NBPF12: variants seen among roughly 807,000 people sequenced by gnomAD.
NBPF12 encodes the protein NBPF family member NBPF12.
A neutral mutation model predicts 146.4 loss-of-function variants in NBPF12; 115 were observed. That is an observed-to-expected ratio of 0.79 (90% CI 0.68 to 0.92). The LOEUF (loss-of-function observed/expected upper bound fraction) is 0.92. Among genes scored for constraint, NBPF12 ranks in the 40% least tolerant of loss-of-function variants. The probability of loss-of-function intolerance (pLI) is 0.00; values close to 1 mark genes in which losing one functional copy is unlikely to be tolerated. For missense variants in NBPF12, 1,205 were observed against 1,326.8 expected, an observed-to-expected ratio of 0.91 and a Z score of 1.43; for synonymous variants, 385 against 508.9, an observed-to-expected ratio of 0.76 and a Z score of 3.28.
At chr1:146,959,806 C>T in intron 2 of NBPF12, 53 bp from the exon 6 acceptor site, 1 of 98,020 alleles carries the variant, frequency 1.0e-5, no homozygotes, top group South Asian at 7.3e-5. Flanking sequence ...GAATGCAGGG[C>T]TCCTAAGATT....
Position 146,971,318 on chromosome 1 carries a change from C to A in NBPF12, c.1515C>A (p.Asp505Glu), listed in dbSNP as rs1553886411. The A allele has an allele frequency of 3.7e-6, 6 of 1,612,152 alleles. No homozygotes were observed. The African/African-American group carries it at 6.8e-5, about 18-fold the overall frequency. Reference sequence around the variant, plus strand: ...ACATCAAAATCACATTTGAGGAAGACAAAGTCAACTCATCTCTGGTTGTAG... The same window carrying A: ...ACATCAAAATCACATTTGAGGAAGAAAAAGTCAACTCATCTCTGGTTGTAG... Residue 505 changes from aspartate to glutamate, a missense_variant, in exon 13 of 34, where the codon GAC becomes GAA. This residue lies in a region of NBPF12 where 278 missense variants were observed against 203.1 expected (regional missense o/e 1.37). Transcript: ENST00000617844.
Position 146,970,762 on chromosome 1 carries a change from T to G in NBPF12, c.1379+43T>G, listed in dbSNP as rs1553886284. ...GGAGCAAGTAATGGGTGTTAACATA[T>G]GAAAATGTCTAGGAGGCATGCCCTC... is the stretch of plus-strand genomic sequence containing the variant. On this transcript the variant is annotated intron_variant, in intron 12 of 33. Coordinates refer to ENST00000617844, the Ensembl canonical transcript of NBPF12. 2.6e-4 allele frequency: 338 copies of G among 1,283,624 alleles called. 1 individual carries two copies. The highest frequency in any genetic ancestry group is 2.1e-3 in the Middle Eastern group (8 of 3,816). The allele number at this position is 1,283,624 out of a possible 1,614,324, so 79.5% of individuals were successfully genotyped here.
chr1:146,989,418 T>C (rs1300743096), intron 27 of NBPF12, among the ~76,000 whole-genome samples, 156 bp from the exon 31 acceptor site: 1 of 151,626 alleles, frequency 6.6e-6, no homozygotes, highest in Non-Finnish European at 1.5e-5. Context: ...CCTGGCCCTG[T>C]TCTATCCCAA....
chr1:146,964,864 T>G (rs1656090333), intron 7 of NBPF12, 29 bp from the exon 11 acceptor site: 1 of 1,541,018 alleles, frequency 6.5e-7, no homozygotes, highest in South Asian at 1.1e-5. Flanking sequence ...TTTAATCTTC[T>G]GTCATCTCTG....
intron 1 of NBPF12, among the ~76,000 whole-genome samples, chr1:146,941,988 G>A (rs1342693226): frequency 1.4e-5 from 2 of 148,140 alleles, no homozygotes; most frequent in African/African-American, 2.5e-5. Flanking sequence ...CTCCTGAGTA[G>A]CTGCGACTAT....
chr1:146,984,447 C>A (rs1342206099), intron 21 of NBPF12, among the ~76,000 whole-genome samples: 2 of 149,474 alleles, frequency 1.3e-5, no homozygotes, highest in Non-Finnish European at 3.0e-5. Flanking sequence ...AACTTGAGCA[C>A]ATTTTATGCA....
chr1:146,964,052 CTG>C (rs1220057296), intron 6 of NBPF12, among the ~76,000 whole-genome samples: 9 of 131,158 alleles, frequency 6.9e-5, no homozygotes, highest in East Asian at 2.3e-4. Context: ...GGAATCAGAT[CTG>C]TGGCAGGATG....
At chr1:146,946,424 A>G (rs1189360930), upstream of NBPF12, among the ~76,000 whole-genome samples, 1 of 150,550 alleles carries the variant, frequency 6.6e-6, no homozygotes, top group Non-Finnish European at 1.5e-5. Flanking sequence ...TTTAATGTGC[A>G]ATTCCCTCAC....
At chr1:146,941,110 A>G (rs1464766383) in intron 1 of NBPF12, among the ~76,000 whole-genome samples, 5 of 151,300 alleles carry the variant, frequency 3.3e-5, no homozygotes, top group African/African-American at 1.2e-4. Context: ...TTGAGACAAG[A>G]TCTCACTCTG....
At chr1:146,992,727 G>C in exon 32 of NBPF12, 1 of 675,606 alleles carries the variant, frequency 1.5e-6, no homozygotes, top group East Asian at 2.6e-5. Context: ...GCAGGGAGCT[G>C]CTGGAGGTAG....
intron 18 of NBPF12, among the ~76,000 whole-genome samples, chr1:146,977,884 C>G (rs1275240406): frequency 6.6e-6 from 1 of 152,046 alleles, no homozygotes; most frequent in Non-Finnish European, 1.5e-5. Flanking sequence ...GCAAGTGTGA[C>G]AATCTCATAG....
chr1:146,939,508 C>T (rs1339270810), intron 1 of NBPF12, among the ~76,000 whole-genome samples: 3 of 151,978 alleles, frequency 2.0e-5, no homozygotes, highest in African/African-American at 7.3e-5. Flanking sequence ...CACCTCATGA[C>T]TAGCGGGGCA....
chr1:146,969,143 C>T (rs1428767499), intron 10 of NBPF12, among the ~76,000 whole-genome samples: 7 of 151,238 alleles, frequency 4.6e-5, no homozygotes, highest in Admixed American at 1.3e-4. Context: ...CTTTTGTTTA[C>T]AGAAGGGAAA....
intron 9 of NBPF12, 47 bp downstream of exon 12, chr1:146,966,720 G>A (rs1461945990): frequency 3.8e-6 from 4 of 1,057,284 alleles, no homozygotes; most frequent in Non-Finnish European, 5.9e-6. Context: ...ACAACGTCCT[G>A]TCTTCTCTCT....
At position 146,966,451 on chromosome 1, in the gene NBPF12, T is replaced by A. The variant is rs1476456319; in HGVS notation, c.779-13T>A. 1 of 1,350,774 alleles carries A rather than the reference T, an allele frequency of 7.4e-7. No individual in the cohort carries two copies. Among genetic ancestry groups the A allele is most frequent in the Non-Finnish European group, 1.1e-6 (1 of 943,592 alleles). The allele number at this position is 1,350,774 out of a possible 1,614,324, so 83.7% of individuals were successfully genotyped here. ...TTTTTAACCCATCATGTGTTTGCCT[T>A]TCTTCTCCCCAGTCCCTGGCCCCAC... On this transcript the variant is annotated splice_polypyrimidine_tract_variant and intron_variant, in intron 8 of 33. Transcript: ENST00000617844.
At chr1:146,968,719 A>C (rs1656368207) in intron 10 of NBPF12, among the ~76,000 whole-genome samples, 169 bp downstream of exon 13, 2 of 151,634 alleles carry the variant, frequency 1.3e-5, no homozygotes, top group South Asian at 4.2e-4. Flanking sequence ...AGGATAATAA[A>C]AATTTATGGG....
intron 31 of NBPF12, among the ~76,000 whole-genome samples, chr1:146,992,444 C>T (rs1208633660): frequency 2.1e-5 from 2 of 96,734 alleles, no homozygotes. Context: ...TTCTCTCTCT[C>T]TCTCTCTCTC....
At chr1:146,974,059 T>A (rs1190362308) in intron 14 of NBPF12, among the ~76,000 whole-genome samples, 5 of 150,754 alleles carry the variant, frequency 3.3e-5, no homozygotes, top group Non-Finnish European at 7.4e-5. Context: ...ATTGCTGCAA[T>A]GAATTACATC....
At chr1:146,963,388 A>G in intron 6 of NBPF12, 79 bp downstream of exon 9, 1 of 1,596,040 alleles carries the variant, frequency 6.3e-7, no homozygotes. Context: ...TCATGATGAC[A>G]GTTGTATCAG....
Sources: allele counts gnomAD v4.1 joint callset (sites outside exome capture counted in the v4.1 genomes callset), GRCh38; gene constraint gnomAD v4.1.1; regional missense constraint gnomAD v4.1.1; transcripts MANE v1.5; gene names NCBI Gene and HGNC (gene_info 2026-07-23, HGNC 2026-07-21).